ANKRD12: variants seen among roughly 807,000 people sequenced by gnomAD.
ANKRD12 encodes ankyrin repeat domain 12.
A neutral mutation model predicts 183.4 loss-of-function variants in ANKRD12; 85 were observed. That is an observed-to-expected ratio of 0.46 (90% CI 0.39 to 0.56). The LOEUF is 0.56. Ranked by LOEUF, ANKRD12 falls within the 20% of genes least tolerant of loss-of-function variation. ANKRD12 has a pLI of 0.00. For missense variants in ANKRD12, 2,405 were observed against 2,357.1 expected (o/e 1.02, Z -0.42); for synonymous variants, 914 against 800.2 (o/e 1.14, Z -2.40).
chr18:9,163,288 A>G (rs940130535), intron 1 of ANKRD12, among the ~76,000 whole-genome samples: 2 of 152,304 alleles, frequency 1.3e-5, no homozygotes, highest in Non-Finnish European at 2.9e-5. Flanking sequence ...AACACCATTT[A>G]TTAAATAGGG....
At chr18:9,206,496 A>T (rs950085899) in intron 4 of ANKRD12, among the ~76,000 whole-genome samples, 4 of 152,026 alleles carry the variant, frequency 2.6e-5, no homozygotes, top group African/African-American at 9.7e-5. Context: ...ATACTTTGGG[A>T]CATACTAGTC....
intron 1 of ANKRD12, among the ~76,000 whole-genome samples, chr18:9,158,682 G>C (rs192697730): frequency 6.6e-6 from 1 of 152,164 alleles, no homozygotes; most frequent in Non-Finnish European, 1.5e-5. Context: ...CTACAGCACA[G>C]TTACTCTTTT....
At chr18:9,180,221 C>T (rs761184334) in intron 1 of ANKRD12, among the ~76,000 whole-genome samples, 2 of 152,120 alleles carry the variant, frequency 1.3e-5, no homozygotes, top group African/African-American at 4.8e-5. Context: ...TAATGTCCCT[C>T]TTCGTTCTGA....
At chr18:9,190,705 A>G (rs2034398802) in intron 2 of ANKRD12, among the ~76,000 whole-genome samples, 1 of 152,188 alleles carries the variant, frequency 6.6e-6, no homozygotes, top group Non-Finnish European at 1.5e-5. Flanking sequence ...CCACCAGCAA[A>G]GAGATTACAA....
chr18:9,160,909 A>G (rs1489103027), intron 1 of ANKRD12, among the ~76,000 whole-genome samples: 1 of 152,198 alleles, frequency 6.6e-6, no homozygotes, highest in Non-Finnish European at 1.5e-5. Flanking sequence ...AGCCTGTTGC[A>G]TTTGTGTTTA....
At chr18:9,167,335 C>T (rs1438987209) in intron 1 of ANKRD12, among the ~76,000 whole-genome samples, 1 of 152,176 alleles carries the variant, frequency 6.6e-6, no homozygotes, top group Non-Finnish European at 1.5e-5. Flanking sequence ...GATATTGATT[C>T]TTCCTACCCA....
rs944029706 is a variant in ANKRD12 at position 9,282,692 on chromosome 18, A to G, written c.*1566A>G. The G allele has an allele frequency of 6.6e-6, 1 of 152,600 alleles. No individual in the cohort carries two copies. Among genetic ancestry groups the G allele is most frequent in the African/African-American group, 2.4e-5 (1 of 41,452 alleles). 9.5% of individuals were successfully genotyped at this position (152,600 alleles called of 1,614,324 possible). A position where few individuals can be genotyped will look rare whatever the true frequency, so the allele number is the denominator to read the frequency against. On this transcript the variant is annotated 3_prime_UTR_variant, in exon 13 of 13. Transcript: ENST00000262126. ...TGTTCCGATAGAGAAAAGTGAAGCA[A>G]ATATGTGAGGAATGAAGTGATCTAG...
intron 8 of ANKRD12, among the ~76,000 whole-genome samples, chr18:9,247,784 T>C (rs1307261567): frequency 1.5e-5 from 2 of 135,024 alleles, no homozygotes; most frequent in African/African-American, 6.1e-5. Flanking sequence ...TTGGGGTTTT[T>C]TTGTTTTGTT....
chr18:9,220,603 A>G (rs1162646979), intron 7 of ANKRD12, among the ~76,000 whole-genome samples: 1 of 152,192 alleles, frequency 6.6e-6, no homozygotes, highest in Non-Finnish European at 1.5e-5. Flanking sequence ...AGATAATAGT[A>G]CAGGTTTAGT....
At chr18:9,137,178 G>A (rs2078131729) in intron 1 of ANKRD12, 1 of 151,054 alleles carries the variant, frequency 6.6e-6, no homozygotes, top group Admixed American at 6.6e-5. Flanking sequence ...TCGCCTGACA[G>A]TGACAGGCCG....
intron 1 of ANKRD12, among the ~76,000 whole-genome samples, chr18:9,168,291 T>A (rs1459204218): frequency 2.6e-5 from 4 of 152,278 alleles, no homozygotes; most frequent in African/African-American, 9.6e-5. Context: ...TTCAGAAGGA[T>A]TGGTATCAGC....
intron 8 of ANKRD12, among the ~76,000 whole-genome samples, chr18:9,241,008 C>T (rs2037627294): frequency 6.6e-6 from 1 of 152,058 alleles, no homozygotes; most frequent in Admixed American, 6.5e-5. Flanking sequence ...TACTTACTTA[C>T]AATGGAGTTC....
chr18:9,182,279 T>G, intron 1 of ANKRD12, 103 bp from the exon 2 acceptor site: 1 of 347,662 alleles, frequency 2.9e-6, no homozygotes, highest in Non-Finnish European at 5.2e-6. Flanking sequence ...TTTGAGAAAA[T>G]AAGGTATCTT....
At chr18:9,228,627 C>T (rs2144832540) in intron 8 of ANKRD12, among the ~76,000 whole-genome samples, 1 of 152,100 alleles carries the variant, frequency 6.6e-6, no homozygotes, top group East Asian at 1.9e-4. Flanking sequence ...GAAATGTCTT[C>T]CAAGTCCTTT....
At chr18:9,149,792 A>ATTT (rs75749856) in intron 1 of ANKRD12, among the ~76,000 whole-genome samples, 2,341 of 28,072 alleles carry the variant, frequency 0.083, 34 homozygotes, top group Non-Finnish European at 0.12. Flanking sequence ...TTATTTATTA[A>ATTT]ATTTTATTTT....
chr18:9,216,691 G>A, intron 6 of ANKRD12, 67 bp from the exon 7 acceptor site: 1 of 1,491,050 alleles, frequency 6.7e-7, no homozygotes, highest in African/African-American at 1.4e-5. Context: ...ACATTGGTAT[G>A]TATATGAAAA....
At chr18:9,243,829 T>G (rs1193988885) in intron 8 of ANKRD12, among the ~76,000 whole-genome samples, 1 of 152,208 alleles carries the variant, frequency 6.6e-6, no homozygotes, top group Admixed American at 6.5e-5. Flanking sequence ...GAAAATAGTT[T>G]TTTAAATTGA....
intron 9 of ANKRD12, 150 bp downstream of exon 9, chr18:9,259,081 CTTGT>C (rs1193206719): frequency 8.2e-6 from 8 of 971,808 alleles, no homozygotes; most frequent in Non-Finnish European, 2.9e-6. Context: ...TAGTAACGTT[CTTGT>C]TTCTTTCATT....
intron 8 of ANKRD12, chr18:9,239,460 A>G (rs779241294): frequency 1.1e-5 from 13 of 1,186,614 alleles, no homozygotes; most frequent in Non-Finnish European, 1.4e-5. Flanking sequence ...TTCATCAGCT[A>G]TGTATTGATT....
Sources: gnomAD v4.1 joint callset for allele counts (sites outside exome capture counted in the v4.1 genomes callset) on GRCh38, gnomAD v4.1.1 for gene constraint, MANE v1.5 for transcripts, NCBI Gene and HGNC (gene_info 2026-07-23, HGNC 2026-07-21) for gene names.